CADPS2: variants seen among roughly 807,000 people sequenced by gnomAD.
CADPS2 encodes the protein calcium dependent secretion activator 2.
A neutral mutation model predicts 172.5 loss-of-function variants in CADPS2; 93 were observed. That is an observed-to-expected ratio of 0.54 (90% CI 0.46 to 0.64). The LOEUF (loss-of-function observed/expected upper bound fraction) is 0.64, where lower values mean the gene tolerates loss of function less well. CADPS2 is among the 30% of genes least tolerant of loss of function. The pLI is 0.00. For missense variants in CADPS2, 1,420 were observed against 1,565.9 expected (o/e 0.91, Z 1.57); for synonymous variants, 546 against 555.2 (o/e 0.98, Z 0.23).
At chr7:122,872,626 C>T (rs1820065054) in intron 1 of CADPS2, among the ~76,000 whole-genome samples, 1 of 151,910 alleles carries the variant, frequency 6.6e-6, no homozygotes, top group African/African-American at 2.4e-5. Flanking sequence ...ATTTTGTAAG[C>T]CTTTTTAACT....
chr7:122,510,652 C>T (rs1337285150), intron 9 of CADPS2, among the ~76,000 whole-genome samples: 4 of 152,116 alleles, frequency 2.6e-5, no homozygotes, highest in South Asian at 2.1e-4. Context: ...CCGATGGCAG[C>T]GGCAGACACA....
intron 1 of CADPS2, among the ~76,000 whole-genome samples, chr7:122,749,153 C>T (rs796069174): frequency 5.9e-5 from 9 of 152,200 alleles, no homozygotes; most frequent in African/African-American, 2.2e-4. Context: ...GAATCAGCAT[C>T]CTCCTTCTGT....
At chr7:122,560,764 T>C (rs1240069589) in intron 7 of CADPS2, among the ~76,000 whole-genome samples, 2 of 152,204 alleles carry the variant, frequency 1.3e-5, no homozygotes, top group Admixed American at 1.3e-4. Flanking sequence ...AGAGATTTTA[T>C]ACTTTAGCAA....
Position 122,653,179 on chromosome 7 carries a change from C to T in CADPS2, c.786+10058G>A, listed in dbSNP as rs2079361095. 2.0e-5 allele frequency among the ~76,000 whole-genome samples: 3 copies of T among 152,180 alleles called. No homozygotes were observed. In the South Asian group the frequency reaches 6.2e-4, roughly 32 times the overall value. Reference sequence around the variant, plus strand: ...CATCCTGCACATTTCACCAGAACAGCCCTCGATCCTGAGCTTCTGACTCTT... The same window carrying T: ...CATCCTGCACATTTCACCAGAACAGTCCTCGATCCTGAGCTTCTGACTCTT... On this transcript the variant is annotated intron_variant, in intron 3 of 29. Transcript: ENST00000449022.
At chr7:122,627,345 C>T (rs910501069) in intron 4 of CADPS2, among the ~76,000 whole-genome samples, 3 of 152,230 alleles carry the variant, frequency 2.0e-5, no homozygotes, top group Non-Finnish European at 2.9e-5. Context: ...CTTTGGTGAA[C>T]TTGAAGTGGA....
intron 14 of CADPS2, among the ~76,000 whole-genome samples, chr7:122,464,443 T>C (rs2054876621): frequency 6.6e-6 from 1 of 152,240 alleles, no homozygotes. Flanking sequence ...CAGATAGTTC[T>C]CCTTCTAGGA....
chr7:122,387,166 T>C lies in CADPS2; in HGVS notation c.3172A>G (p.Thr1058Ala), dbSNP rs1473908748. The change falls in exon 24 of 30, where the codon ACT (threonine) becomes GCT (alanine). Residue 1058 changes from threonine to alanine, a missense_variant. Transcript: ENST00000449022. ...MLEACVKRTRTAFELKLQKAS... is the reference protein window; with the variant it reads ...MLEACVKRTRAAFELKLQKAS... ...TTTTGTAGCTTGAGTTCAAATGCAG[T>C]TCTTGTTCTAGTTTTTAAAACATGA... 2 of 1,578,094 alleles carry C rather than the reference T, an allele frequency of 1.3e-6. No homozygotes were observed. Among genetic ancestry groups the C allele is most frequent in the Admixed American group, 3.6e-5 (2 of 54,992 alleles).
intron 1 of CADPS2, among the ~76,000 whole-genome samples, chr7:122,764,755 A>G (rs961839964): frequency 2.0e-5 from 3 of 152,232 alleles, no homozygotes; most frequent in Admixed American, 6.5e-5. Context: ...AGTAGAAGAA[A>G]CAGCCAAACA....
At chr7:122,565,427 A>G (rs556825308) in intron 7 of CADPS2, among the ~76,000 whole-genome samples, 1 of 152,274 alleles carries the variant, frequency 6.6e-6, no homozygotes, top group Non-Finnish European at 1.5e-5. Context: ...TAAGGTCAGG[A>G]CATGGAATGA....
chr7:122,583,621 C>T (rs950226943), intron 6 of CADPS2, among the ~76,000 whole-genome samples: 5 of 150,122 alleles, frequency 3.3e-5, no homozygotes, highest in Non-Finnish European at 5.9e-5. Context: ...ATGATATATA[C>T]ATAATATATA....
chr7:122,785,602 T>C (rs1022913953), intron 1 of CADPS2, among the ~76,000 whole-genome samples: 6 of 152,192 alleles, frequency 3.9e-5, no homozygotes, highest in African/African-American at 1.4e-4. Context: ...GAAAGCCTTT[T>C]TGCTCTCAGG....
intron 17 of CADPS2, chr7:122,426,203 T>A (rs192091061): frequency 6.6e-4 from 101 of 152,338 alleles, no homozygotes; most frequent in African/African-American, 2.2e-3. Flanking sequence ...AAGATCTCAA[T>A]GTCTGCATGT....
In CADPS2 at chr7:122,698,174, T is replaced by C. The variant is rs1374874230; in HGVS notation, c.454-34605A>G. On this transcript the variant is annotated intron_variant, in intron 2 of 29. Transcript: ENST00000449022. The stretch of plus-strand genomic sequence containing the variant: ...ACGCAGCTATCCCCATTTGGATTTA[T>C]TTCTTCATCCCCCTCTTTTACTACT... 1.2e-6 allele frequency: 2 copies of C among 1,613,918 alleles called. No homozygotes were observed. Among genetic ancestry groups the C allele is most frequent in the Non-Finnish European group, 8.5e-7 (1 of 1,179,954 alleles).
At chr7:122,525,029 C>T (rs564931832) in intron 8 of CADPS2, among the ~76,000 whole-genome samples, 1 of 152,028 alleles carries the variant, frequency 6.6e-6, no homozygotes, top group South Asian at 2.1e-4. Flanking sequence ...GACCCAGCTG[C>T]TCAGGAGGCT....
intron 20 of CADPS2, among the ~76,000 whole-genome samples, chr7:122,399,997 T>C (rs2045741360): frequency 6.6e-6 from 1 of 151,628 alleles, no homozygotes; most frequent in Non-Finnish European, 1.5e-5. Context: ...TTGATGCCCA[T>C]GGTTTTCAGA....
intron 1 of CADPS2, among the ~76,000 whole-genome samples, chr7:122,839,845 G>C (rs1479454081): frequency 6.6e-6 from 1 of 152,182 alleles, no homozygotes; most frequent in African/African-American, 2.4e-5. Flanking sequence ...CTGTAAACTG[G>C]TTCAACCATT....
intron 2 of CADPS2, among the ~76,000 whole-genome samples, chr7:122,705,969 A>ATT (rs1554737434): frequency 8.2e-4 from 3 of 3,678 alleles, no homozygotes; most frequent in Non-Finnish European, 9.1e-4. Flanking sequence ...TATATAATAT[A>ATT]ATATAATATA....
At chr7:122,842,002 G>C (rs1810665600) in intron 1 of CADPS2, among the ~76,000 whole-genome samples, 1 of 152,198 alleles carries the variant, frequency 6.6e-6, no homozygotes, top group Admixed American at 6.5e-5. Context: ...TTAGGGATGG[G>C]AAGCAGGCCT....
chr7:122,645,638 T>G (rs992385746), intron 3 of CADPS2, among the ~76,000 whole-genome samples: 1 of 102,926 alleles, frequency 9.7e-6, no homozygotes, highest in African/African-American at 3.5e-5. Flanking sequence ...ATCTCTACTC[T>G]AAGATACATA....
Sources: gnomAD v4.1 joint callset for allele counts (sites outside exome capture counted in the v4.1 genomes callset) on GRCh38, gnomAD v4.1.1 for gene constraint, MANE v1.5 for transcripts, NCBI Gene and HGNC (gene_info 2026-07-23, HGNC 2026-07-21) for gene names.